Variants in L3MBTL4 observed in about 807,000 individuals in gnomAD.
L3MBTL4 encodes L3MBTL histone methyl-lysine binding protein 4.
Under a neutral mutation model 84.5 loss-of-function variants are expected in L3MBTL4, and 70 were observed. The observed-to-expected ratio is 0.83, with a 90% confidence interval of 0.68 to 1.01. L3MBTL4 has a LOEUF of 1.01. Ranked by LOEUF, L3MBTL4 falls within the 50% of genes least tolerant of loss-of-function variation. The probability of loss-of-function intolerance (pLI) is 0.00; values close to 1 mark genes in which losing one functional copy is unlikely to be tolerated. For synonymous variants in L3MBTL4, 274 were observed against 259.8 expected (o/e 1.05, Z -0.52); for missense variants, 715 against 754.8 (o/e 0.95, Z 0.62).
At chr18:6,246,578 C>T (rs183539644) in intron 5 of L3MBTL4, among the ~76,000 whole-genome samples, 3 of 152,220 alleles carry the variant, frequency 2.0e-5, no homozygotes, top group Admixed American at 1.3e-4. Context: ...CATCTGAATG[C>T]CTATTTTGGG....
chr18:6,311,513 A>AT (rs777723456), intron 3 of L3MBTL4, 41 bp downstream of exon 3: 31 of 1,550,286 alleles, frequency 2.0e-5, no homozygotes, highest in African/African-American at 8.2e-5. Context: ...TTTGGTAGCG[A>AT]TCACACACTG....
At chr18:6,335,179 C>T (rs2052266863) in intron 1 of L3MBTL4, among the ~76,000 whole-genome samples, 1 of 152,194 alleles carries the variant, frequency 6.6e-6, no homozygotes, top group African/African-American at 2.4e-5. Context: ...CAACCTCCGT[C>T]TCCTGGGTTC....
chr18:6,102,783 CA>C (rs1477552883), intron 14 of L3MBTL4, among the ~76,000 whole-genome samples: 1 of 152,150 alleles, frequency 6.6e-6, no homozygotes, highest in Non-Finnish European at 1.5e-5. Flanking sequence ...GCTCAAGTAC[CA>C]AAAAGTCAAA....
At chr18:6,384,292 T>C (rs149433734) in intron 1 of L3MBTL4, among the ~76,000 whole-genome samples, 3 of 152,132 alleles carry the variant, frequency 2.0e-5, no homozygotes, top group East Asian at 1.9e-4. Flanking sequence ...TACATATATA[T>C]ACACACACAC....
chr18:5,997,200 A>G (rs766274751), intron 16 of L3MBTL4, among the ~76,000 whole-genome samples: 1 of 150,812 alleles, frequency 6.6e-6, no homozygotes, highest in Non-Finnish European at 1.5e-5. Flanking sequence ...TGTGAAAGGA[A>G]AATAAATCTC....
chr18:6,002,553 A>G (rs922265012), intron 16 of L3MBTL4, among the ~76,000 whole-genome samples: 10 of 152,126 alleles, frequency 6.6e-5, no homozygotes. Context: ...AAAAGTAGTG[A>G]GAATGGAGCT....
chr18:6,172,231 C>T (rs191685908), intron 12 of L3MBTL4, among the ~76,000 whole-genome samples: 11 of 152,266 alleles, frequency 7.2e-5, no homozygotes, highest in Admixed American at 2.0e-4. Context: ...AACTAAGACA[C>T]GTACTGGAAT....
chr18:6,345,043 T>C (rs2143611992), intron 1 of L3MBTL4, among the ~76,000 whole-genome samples: 1 of 151,542 alleles, frequency 6.6e-6, no homozygotes, highest in South Asian at 2.1e-4. Context: ...AGAAGTAAAA[T>C]TGTCTGTCTT....
intron 16 of L3MBTL4, among the ~76,000 whole-genome samples, chr18:6,046,482 C>A (rs1466484281): frequency 6.6e-6 from 1 of 152,066 alleles, no homozygotes; most frequent in Admixed American, 6.5e-5. Flanking sequence ...AGAACACATT[C>A]CAAGATAAAC....
At chr18:5,972,504 C>A (rs1286471682) in intron 16 of L3MBTL4, among the ~76,000 whole-genome samples, 1 of 152,218 alleles carries the variant, frequency 6.6e-6, no homozygotes, top group Non-Finnish European at 1.5e-5. Context: ...GTGGCAGGTA[C>A]TACTTTAACT....
chr18:6,212,416 T>C (rs932876200), intron 12 of L3MBTL4, among the ~76,000 whole-genome samples: 10 of 152,326 alleles, frequency 6.6e-5, no homozygotes, highest in Middle Eastern at 3.4e-3. Flanking sequence ...ATCTTTATTA[T>C]TATGAAAAGA....
At chr18:5,959,115 A>G (rs1289963636) in intron 18 of L3MBTL4, among the ~76,000 whole-genome samples, 2 of 152,200 alleles carry the variant, frequency 1.3e-5, no homozygotes, top group Non-Finnish European at 2.9e-5. Flanking sequence ...CCCAAAACTC[A>G]GCACTTCCTT....
chr18:6,379,956 T>C (rs2054530322), intron 1 of L3MBTL4, among the ~76,000 whole-genome samples: 1 of 152,192 alleles, frequency 6.6e-6, no homozygotes, highest in Non-Finnish European at 1.5e-5. Context: ...CTGGACTTTT[T>C]TTGGTTGGTA....
chr18:5,961,586 C>T (rs1005986060), intron 17 of L3MBTL4, among the ~76,000 whole-genome samples: 6 of 152,072 alleles, frequency 3.9e-5, no homozygotes, highest in Non-Finnish European at 8.8e-5. Context: ...AGGATTAAAA[C>T]AAACAAACAA....
chr18:6,108,442 G>A (rs1219656872), intron 14 of L3MBTL4, among the ~76,000 whole-genome samples: 1 of 152,054 alleles, frequency 6.6e-6, no homozygotes, highest in Non-Finnish European at 1.5e-5. Flanking sequence ...TGGATAAGCT[G>A]GTATATTAAG....
At chr18:6,247,292 C>T (rs528913636) in intron 5 of L3MBTL4, among the ~76,000 whole-genome samples, 2 of 152,010 alleles carry the variant, frequency 1.3e-5, no homozygotes, top group South Asian at 4.2e-4. Context: ...CAACAATATG[C>T]TTTCCAACAC....
At chr18:6,065,881 T>A (rs2057382374) in intron 16 of L3MBTL4, among the ~76,000 whole-genome samples, 1 of 152,088 alleles carries the variant, frequency 6.6e-6, no homozygotes, top group South Asian at 2.1e-4. Flanking sequence ...CTTTAATATT[T>A]CTTTTCTTCT....
intron 16 of L3MBTL4, among the ~76,000 whole-genome samples, chr18:6,006,118 C>T (rs686254): frequency 0.19 from 28,722 of 152,020 alleles, 3,932 homozygotes; most frequent in African/African-American, 0.37. Flanking sequence ...ATACAGGTTA[C>T]GGACTGTTTT....
chr18:6,388,189 A>G (rs558575898), intron 1 of L3MBTL4, among the ~76,000 whole-genome samples: 52 of 152,342 alleles, frequency 3.4e-4, no homozygotes, highest in Admixed American at 1.4e-3. Flanking sequence ...AAAAAATGCA[A>G]GTACCAACAA....
Sources: gnomAD v4.1 joint callset for allele counts (sites outside exome capture counted in the v4.1 genomes callset) on GRCh38, gnomAD v4.1.1 for gene constraint, MANE v1.5 for transcripts, NCBI Gene and HGNC (gene_info 2026-07-23, HGNC 2026-07-21) for gene names.